The following DPP10 variants were observed in gnomAD, a reference collection of about 807,000 sequenced individuals.
DPP10 encodes dipeptidyl peptidase like 10.
DPP10 carries 33 observed loss-of-function variants against 120.9 expected under a neutral mutation model. That is an observed-to-expected ratio of 0.27 (90% CI 0.21 to 0.37). DPP10 has a LOEUF of 0.37. Ranked by LOEUF, DPP10 falls within the 10% of genes least tolerant of loss-of-function variation. The pLI is 1.00. For missense variants in DPP10, 816 were observed against 942.8 expected (o/e 0.87, Z 1.76); for synonymous variants, 337 against 326.1 (o/e 1.03, Z -0.36).
At chr2:115,494,219 A>C (rs1428632290) in intron 3 of DPP10, among the ~76,000 whole-genome samples, 11 of 152,132 alleles carry the variant, frequency 7.2e-5, no homozygotes, top group Non-Finnish European at 1.6e-4. Flanking sequence ...CTGGATTACA[A>C]GCATGAGCCA....
intron 1 of DPP10, among the ~76,000 whole-genome samples, chr2:114,878,022 G>A (rs932674528): frequency 6.6e-6 from 1 of 151,934 alleles, no homozygotes; most frequent in African/African-American, 2.4e-5. Context: ...CTTATGTCCA[G>A]ATGATAAATT....
chr2:115,548,336 A>T (rs1427324513), intron 5 of DPP10, among the ~76,000 whole-genome samples: 1 of 152,176 alleles, frequency 6.6e-6, no homozygotes, highest in African/African-American at 2.4e-5. Context: ...AAAGTTTCTG[A>T]TGATTATTCA....
chr2:115,356,186 G>A (rs1347351232), intron 3 of DPP10, among the ~76,000 whole-genome samples: 1 of 152,168 alleles, frequency 6.6e-6, no homozygotes, highest in East Asian at 1.9e-4. Flanking sequence ...TCCTGTCCAT[G>A]AGCATGGAAT....
intron 1 of DPP10, among the ~76,000 whole-genome samples, chr2:115,250,071 T>C (rs952103304): frequency 1.3e-5 from 2 of 152,174 alleles, no homozygotes; most frequent in Non-Finnish European, 2.9e-5. Flanking sequence ...GCTATTTTTT[T>C]TCTTTTTCTC....
chr2:115,058,135 C>A (rs976232222), intron 1 of DPP10, among the ~76,000 whole-genome samples: 1 of 152,148 alleles, frequency 6.6e-6, no homozygotes, highest in Non-Finnish European at 1.5e-5. Context: ...AAGAACTAAC[C>A]CAGACTCTGC....
intron 7 of DPP10, among the ~76,000 whole-genome samples, chr2:115,716,721 C>T (rs1268746418): frequency 1.3e-5 from 2 of 148,596 alleles, no homozygotes; most frequent in Non-Finnish European, 2.9e-5. Context: ...CAAAAACAAA[C>T]AAACAAACAA....
intron 1 of DPP10, among the ~76,000 whole-genome samples, chr2:114,778,878 G>T (rs772529813): frequency 6.6e-6 from 1 of 152,068 alleles, no homozygotes; most frequent in Non-Finnish European, 1.5e-5. Flanking sequence ...TTAATTGACC[G>T]AAAGACAAAG....
chr2:115,710,639 A>G (rs2092287249), intron 7 of DPP10, among the ~76,000 whole-genome samples: 1 of 152,122 alleles, frequency 6.6e-6, no homozygotes, highest in African/African-American at 2.4e-5. Flanking sequence ...AAAAGTTGAA[A>G]CAAGTCACTA....
intron 1 of DPP10, among the ~76,000 whole-genome samples, chr2:115,003,994 C>T (rs1381461265): frequency 6.6e-6 from 1 of 152,152 alleles, no homozygotes; most frequent in Non-Finnish European, 1.5e-5. Context: ...TTCACCAATT[C>T]AAGTATTCAT....
At chr2:115,091,596 A>G (rs1709265753) in intron 1 of DPP10, among the ~76,000 whole-genome samples, 2 of 152,162 alleles carry the variant, frequency 1.3e-5, no homozygotes, top group African/African-American at 4.8e-5. Flanking sequence ...TAGAAGAAAA[A>G]TGGCCTAGTG....
intron 5 of DPP10, among the ~76,000 whole-genome samples, chr2:115,680,856 A>T (rs1203693163): frequency 6.6e-6 from 1 of 151,966 alleles, no homozygotes; most frequent in Non-Finnish European, 1.5e-5. Flanking sequence ...ATCAATAAGA[A>T]AAAGATGAAT....
At chr2:115,026,140 G>A (rs886123038) in intron 1 of DPP10, among the ~76,000 whole-genome samples, 4 of 152,024 alleles carry the variant, frequency 2.6e-5, no homozygotes, top group African/African-American at 9.7e-5. Flanking sequence ...TCTTTTAGTA[G>A]TTTCATAGTT....
intron 1 of DPP10, among the ~76,000 whole-genome samples, chr2:114,679,667 A>T (rs181798023): frequency 7.4e-4 from 113 of 152,142 alleles, no homozygotes; most frequent in Non-Finnish European, 1.4e-3. Context: ...TTAGAACTAC[A>T]AGAGAAATTT....
intron 1 of DPP10, among the ~76,000 whole-genome samples, chr2:114,930,409 A>G (rs953438091): frequency 6.6e-6 from 1 of 152,224 alleles, no homozygotes; most frequent in African/African-American, 2.4e-5. Flanking sequence ...TTAGAAATTT[A>G]TTCTCTCAGA....
At chr2:114,799,580 T>A (rs1430269144) in intron 1 of DPP10, among the ~76,000 whole-genome samples, 1 of 152,218 alleles carries the variant, frequency 6.6e-6, no homozygotes, top group Non-Finnish European at 1.5e-5. Context: ...TTTGCCTTTT[T>A]CTGAGCAATT....
intron 1 of DPP10, among the ~76,000 whole-genome samples, chr2:114,676,331 A>G (rs953306168): frequency 6.6e-6 from 1 of 152,178 alleles, no homozygotes; most frequent in Non-Finnish European, 1.5e-5. Context: ...CCCAATGAAT[A>G]TCATAAATGC....
chr2:115,327,912 G>C (rs1343470755), intron 2 of DPP10, among the ~76,000 whole-genome samples: 1 of 152,010 alleles, frequency 6.6e-6, no homozygotes, highest in Non-Finnish European at 1.5e-5. Flanking sequence ...ATGAAAGGGT[G>C]CCTGGAGTTT....
intron 5 of DPP10, among the ~76,000 whole-genome samples, chr2:115,595,106 G>A (rs1221650459): frequency 7.2e-5 from 11 of 152,098 alleles, no homozygotes; most frequent in Non-Finnish European, 2.9e-5. Context: ...TGTCAAATAT[G>A]TAAGATTTTA....
intron 5 of DPP10, among the ~76,000 whole-genome samples, chr2:115,630,950 A>G (rs936752382): frequency 4.6e-5 from 7 of 150,876 alleles, no homozygotes; most frequent in Non-Finnish European, 8.8e-5. Flanking sequence ...CTCTTTTTCA[A>G]TTGTTTGCAA....
Sources: gnomAD v4.1 joint callset for allele counts (sites outside exome capture counted in the v4.1 genomes callset) on GRCh38, gnomAD v4.1.1 for gene constraint, MANE v1.5 for transcripts, NCBI Gene and HGNC (gene_info 2026-07-23, HGNC 2026-07-21) for gene names.